GPC5: variants seen among roughly 807,000 people sequenced by gnomAD.
The protein encoded by GPC5 is glypican 5.
Under a neutral mutation model 53.9 loss-of-function variants are expected in GPC5, and 47 were observed. The ratio of observed to expected loss-of-function variants is 0.87; its 90% CI spans 0.69 to 1.11. GPC5 has a LOEUF of 1.11. Among genes scored for constraint, GPC5 ranks in the 50% most tolerant of loss-of-function variants. The pLI, the probability that GPC5 is intolerant of heterozygous loss-of-function variation, is 0.00. For missense variants in GPC5, 748 were observed against 713.1 expected, an observed-to-expected ratio of 1.05 and a Z score of -0.56; for synonymous variants, 286 against 263.3, an observed-to-expected ratio of 1.09 and a Z score of -0.84.
chr13:92,310,614 A>C (rs2043139035), intron 7 of GPC5, among the ~76,000 whole-genome samples: 1 of 152,206 alleles, frequency 6.6e-6, no homozygotes. Flanking sequence ...ACTCAAACCT[A>C]TACTTTATCT....
chr13:91,681,097 G>A (rs2035498021), intron 2 of GPC5, among the ~76,000 whole-genome samples: 2 of 152,102 alleles, frequency 1.3e-5, no homozygotes, highest in Non-Finnish European at 2.9e-5. Flanking sequence ...TTTTAAGAGT[G>A]TAAAGCGTTC....
At chr13:91,672,095 A>G (rs2035264159) in intron 2 of GPC5, among the ~76,000 whole-genome samples, 2 of 152,210 alleles carry the variant, frequency 1.3e-5, no homozygotes, top group African/African-American at 4.8e-5. Context: ...AACTAACTCA[A>G]GATGCATTAC....
Position 92,392,770 on chromosome 13 carries a change from A to G in GPC5, c.1561+247781A>G, listed in dbSNP as rs116754274. Among the ~76,000 whole-genome samples, 874 of 152,302 alleles carry G rather than the reference A, an allele frequency of 5.7e-3. 8 individuals are homozygous for G. The highest frequency in any genetic ancestry group is 0.02 in the African/African-American group (817 of 41,570). ...ACAGAGACTGCTCAAAAGAAGACAT[A>G]CATGTGGCCAACAAGCATATATAAA... is the stretch of plus-strand genomic sequence containing the variant. On this transcript the variant is annotated intron_variant, in intron 7 of 7. Transcript: ENST00000377067.
chr13:92,680,129 A>T (rs1023892721), intron 7 of GPC5, among the ~76,000 whole-genome samples: 1 of 152,212 alleles, frequency 6.6e-6, no homozygotes, highest in Non-Finnish European at 1.5e-5. Flanking sequence ...CTAGAAAATA[A>T]TTAATTATAG....
At chr13:92,472,873 G>A (rs1878964588) in intron 7 of GPC5, among the ~76,000 whole-genome samples, 1 of 152,062 alleles carries the variant, frequency 6.6e-6, no homozygotes, top group African/African-American at 2.4e-5. Context: ...AAAATCTTAA[G>A]AAGTATGTAA....
intron 2 of GPC5, among the ~76,000 whole-genome samples, chr13:91,623,788 T>G (rs772428572): frequency 6.6e-6 from 1 of 152,012 alleles, no homozygotes; most frequent in African/African-American, 2.4e-5. Context: ...AACAAGTTGA[T>G]AATAGAGAGC....
intron 7 of GPC5, among the ~76,000 whole-genome samples, chr13:92,190,282 A>G (rs1043304196): frequency 1.3e-5 from 2 of 152,178 alleles, no homozygotes; most frequent in Non-Finnish European, 2.9e-5. Context: ...GACAAACAGA[A>G]TTTTAGAGAA....
intron 2 of GPC5, among the ~76,000 whole-genome samples, chr13:91,489,705 A>C (rs1273785595): frequency 6.6e-6 from 1 of 152,202 alleles, no homozygotes; most frequent in East Asian, 1.9e-4. Flanking sequence ...AAGGGAGCCA[A>C]ATAGCCTCCC....
intron 7 of GPC5, among the ~76,000 whole-genome samples, chr13:92,298,534 C>T (rs1594081124): frequency 6.6e-6 from 1 of 152,304 alleles, no homozygotes; most frequent in East Asian, 1.9e-4. Context: ...TGGCTTGGCT[C>T]TCTAAATTAA....
chr13:91,845,316 G>T (rs1451502004), intron 5 of GPC5, among the ~76,000 whole-genome samples: 1 of 151,180 alleles, frequency 6.6e-6, no homozygotes, highest in Non-Finnish European at 1.5e-5. Flanking sequence ...TTTTTTAATC[G>T]TTTAGTCTTT....
chr13:91,979,749 A>G (rs1180085296), intron 6 of GPC5, among the ~76,000 whole-genome samples: 1 of 152,246 alleles, frequency 6.6e-6, no homozygotes, highest in African/African-American at 2.4e-5. Flanking sequence ...TATGTCACAT[A>G]TTCTTTACAC....
intron 7 of GPC5, among the ~76,000 whole-genome samples, chr13:92,794,950 C>T (rs1876604926): frequency 6.6e-6 from 1 of 152,066 alleles, no homozygotes; most frequent in South Asian, 2.1e-4. Flanking sequence ...GTGCAAATGA[C>T]CATACTGCCC....
Position 91,571,876 on chromosome 13 carries a change from C to CGTGTGTGTATGTAT in GPC5, c.326-121311_326-121310insGTGTGTGTATGTAT, listed in dbSNP as rs1566515903. 1.5e-3 allele frequency among the ~76,000 whole-genome samples: 147 copies of CGTGTGTGTATGTAT among 100,930 alleles called. 37 individuals are homozygous for CGTGTGTGTATGTAT. Among genetic ancestry groups the CGTGTGTGTATGTAT allele is most frequent in the African/African-American group, 6.5e-3 (141 of 21,568 alleles). 66.2% of individuals were successfully genotyped at this position (100,930 alleles called of 152,430 possible). On this transcript the variant is annotated intron_variant, in intron 2 of 7. Transcript: ENST00000377067. ...ACACATATACGTGTGTGTATATATA[C>CGTGTGTGTATGTAT]ACACATATACGTGTGTATATACACA...
intron 3 of GPC5, among the ~76,000 whole-genome samples, chr13:91,721,719 C>T (rs2036478343): frequency 1.3e-5 from 2 of 152,148 alleles, no homozygotes; most frequent in South Asian, 4.1e-4. Flanking sequence ...GAGTTGTTCT[C>T]TCTGCATATA....
intron 3 of GPC5, among the ~76,000 whole-genome samples, chr13:91,711,823 A>C (rs2036232569): frequency 6.6e-6 from 1 of 152,092 alleles, no homozygotes; most frequent in African/African-American, 2.4e-5. Flanking sequence ...GGTCACAGCA[A>C]ATTTATTTTG....
At position 91,534,437 on chromosome 13, in the gene GPC5, G is replaced by A. The variant is rs923145435; in HGVS notation, c.325+85515G>A. On this transcript the variant is annotated intron_variant, in intron 2 of 7. Coordinates refer to ENST00000377067, the MANE Select transcript of GPC5 (RefSeq NM_004466.6). ...AAGAGAAATGAAATGATTTTATAAT[G>A]TAAAGTGTTTGAGCAATACTATGCA... Among the ~76,000 whole-genome samples, 3 of 152,178 alleles carry A rather than the reference G, an allele frequency of 2.0e-5. No individual in the cohort carries two copies. The South Asian group carries it at 6.2e-4, about 32-fold the overall frequency.
At chr13:92,554,693 T>C (rs1445308044) in intron 7 of GPC5, among the ~76,000 whole-genome samples, 1 of 150,934 alleles carries the variant, frequency 6.6e-6, no homozygotes, top group African/African-American at 2.4e-5. Flanking sequence ...ACTATACAAC[T>C]AAAGATAAAC....
At chr13:91,919,293 A>C (rs887938933) in intron 6 of GPC5, among the ~76,000 whole-genome samples, 1 of 152,240 alleles carries the variant, frequency 6.6e-6, no homozygotes, top group African/African-American at 2.4e-5. Flanking sequence ...TCACTCATCC[A>C]GAAAATGCCC....
At chr13:92,292,336 T>C (rs2043002625) in intron 7 of GPC5, among the ~76,000 whole-genome samples, 2 of 151,910 alleles carry the variant, frequency 1.3e-5, no homozygotes, top group South Asian at 2.1e-4. Flanking sequence ...ACCTCATCCA[T>C]GCCACCATCT....
Sources: allele counts gnomAD v4.1 joint callset (sites outside exome capture counted in the v4.1 genomes callset), GRCh38; gene constraint gnomAD v4.1.1; transcripts MANE v1.5; gene names NCBI Gene and HGNC (gene_info 2026-07-23, HGNC 2026-07-21).